GBA1: variants seen among roughly 807,000 people sequenced by gnomAD.
GBA1 encodes glucosylceramidase beta 1, also known as lysosomal acid glucosylceramidase.
chr1:155,236,470 C>G, the GBA1 span: 1 of 1,612,566 alleles, frequency 6.2e-7, no homozygotes, highest in South Asian at 1.1e-5. Flanking sequence ...CTGTCAGTAC[C>G]TGCAAAGGAA....
At chr1:155,236,377 C>G in the GBA1 span, 1 of 1,614,086 alleles carries the variant, frequency 6.2e-7, no homozygotes, top group Non-Finnish European at 8.5e-7. Context: ...GGTGTGTCTC[C>G]CCTAGGGTGG....
At chr1:155,238,920 T>C in the GBA1 span, 2 of 471,616 alleles carry the variant, frequency 4.2e-6, no homozygotes, top group Non-Finnish European at 7.7e-6. Flanking sequence ...GAAGTCAGGG[T>C]CCAAAGAAAG....
At chr1:155,242,881 C>T in the GBA1 span, among the ~76,000 whole-genome samples, 8 of 152,218 alleles carry the variant, frequency 5.3e-5, no homozygotes, top group Admixed American at 1.3e-4. Flanking sequence ...CAATGAGCCA[C>T]CACACCCGGT....
At chr1:155,241,245 A>G in the GBA1 span, 1 of 824,086 alleles carries the variant, frequency 1.2e-6, no homozygotes, top group Non-Finnish European at 2.1e-6. Flanking sequence ...CCTGCAAGTA[A>G]TTCCGGCTTC....
chr1:155,236,255 C>T, the GBA1 span: 3 of 1,613,852 alleles, frequency 1.9e-6, no homozygotes, highest in African/African-American at 4.0e-5. Context: ...CGTGATGATG[C>T]TGTGGCTGTA....
the GBA1 span, chr1:155,238,948 G>C: frequency 2.4e-6 from 1 of 409,008 alleles, no homozygotes; most frequent in Admixed American, 3.6e-5. Context: ...AAAAGTGTCA[G>C]TGGCTCACGC....
the GBA1 span, chr1:155,235,378 C>T: frequency 6.3e-7 from 1 of 1,594,372 alleles, no homozygotes; most frequent in Non-Finnish European, 8.5e-7. Context: ...TCTAAGAAGT[C>T]ACCCACCCAC....
At chr1:155,238,559 C>A in the GBA1 span, 36 of 1,613,364 alleles carry the variant, frequency 2.2e-5, no homozygotes, top group Non-Finnish European at 3.0e-5. Flanking sequence ...AGTTGTGCAA[C>A]TGGAAATCAT....
chr1:155,239,983 A>C, the GBA1 span: 1 of 1,614,120 alleles, frequency 6.2e-7, no homozygotes, highest in South Asian at 1.1e-5. Context: ...CAAGGGCAGG[A>C]AAGGTCGGGG....
the GBA1 span, chr1:155,238,980 A>G: frequency 2.7e-6 from 1 of 371,526 alleles, no homozygotes; most frequent in Non-Finnish European, 5.2e-6. Context: ...GCACTTTGGG[A>G]GGCCGATGTG....
At chr1:155,239,627 A>C in the GBA1 span, 1 of 1,614,204 alleles carries the variant, frequency 6.2e-7, no homozygotes, top group Non-Finnish European at 8.5e-7. Context: ...TTCTTCAGAG[A>C]AGTACGATTT....
chr1:155,237,318 C>T, the GBA1 span: 1 of 1,613,854 alleles, frequency 6.2e-7, no homozygotes, highest in Non-Finnish European at 8.5e-7. Flanking sequence ...GTCACTGGAG[C>T]ACCATGGAGG....
chr1:155,235,755 G>A, the GBA1 span: 16 of 1,614,078 alleles, frequency 9.9e-6, no homozygotes, highest in Admixed American at 1.7e-5. Flanking sequence ...TGATGGGACT[G>A]TCGACAAAGT....
the GBA1 span, chr1:155,240,221 T>C: frequency 4.1e-6 from 3 of 724,634 alleles, no homozygotes; most frequent in East Asian, 8.1e-5. Flanking sequence ...CCTAGCACTT[T>C]AGGAGGCCGA....
At chr1:155,236,476 AG>A in the GBA1 span, 78 of 1,608,334 alleles carry the variant, frequency 4.8e-5, no homozygotes, top group Non-Finnish European at 6.6e-5. Flanking sequence ...GTACCTGCAA[AG>A]GAAGAGCAAC....
the GBA1 span, among the ~76,000 whole-genome samples, chr1:155,242,514 G>A: frequency 4.1e-4 from 63 of 152,068 alleles, no homozygotes; most frequent in African/African-American, 1.5e-3. Flanking sequence ...GAGCCACTGC[G>A]CTGGACCCCA....
the GBA1 span, chr1:155,241,090 C>G: frequency 1.3e-5 from 21 of 1,613,956 alleles, no homozygotes; most frequent in South Asian, 2.2e-4. Context: ...TCTTACCTCT[C>G]TGGAAGGACT....
At chr1:155,236,798 T>C in the GBA1 span, among the ~76,000 whole-genome samples, 5 of 151,986 alleles carry the variant, frequency 3.3e-5, no homozygotes, top group South Asian at 2.1e-4. Flanking sequence ...TATATATATA[T>C]ACATATAAAC....
the GBA1 span, chr1:155,238,801 T>A: frequency 9.8e-7 from 1 of 1,024,870 alleles, no homozygotes; most frequent in East Asian, 2.5e-5. Context: ...GGCACCTGGG[T>A]GAAGCGCAGG....
Sources: gnomAD v4.1 joint callset for allele counts (sites outside exome capture counted in the v4.1 genomes callset) on GRCh38, gnomAD v4.1.1 for gene constraint, MANE v1.5 for transcripts, NCBI Gene and HGNC (gene_info 2026-07-23, HGNC 2026-07-21) for gene names.